The following SLC35F1 variants were observed in gnomAD, a reference collection of about 807,000 sequenced individuals.
SLC35F1 encodes solute carrier family 35 member F1.
SLC35F1 carries 14 observed loss-of-function variants against 48.7 expected under a neutral mutation model. The observed-to-expected ratio is 0.29, with a 90% confidence interval of 0.19 to 0.45. The LOEUF is 0.45. SLC35F1 is among the 20% of genes least tolerant of loss of function. The probability of loss-of-function intolerance (pLI) is 1.00; values close to 1 mark genes in which losing one functional copy is unlikely to be tolerated. For missense variants in SLC35F1, 404 were observed against 500.0 expected (o/e 0.81, Z 1.83); for synonymous variants, 190 against 202.2 (o/e 0.94, Z 0.51).
intron 1 of SLC35F1, among the ~76,000 whole-genome samples, chr6:117,925,939 AT>A (rs1231444304): frequency 6.6e-6 from 1 of 152,174 alleles, no homozygotes; most frequent in African/African-American, 2.4e-5. Flanking sequence ...CCATTTATTT[AT>A]TTGATAAACA....
intron 2 of SLC35F1, among the ~76,000 whole-genome samples, chr6:118,213,174 A>G (rs993071660): frequency 6.6e-6 from 1 of 152,198 alleles, no homozygotes; most frequent in Admixed American, 6.5e-5. Flanking sequence ...TAAGCTTTTA[A>G]TTATAACCCA....
chr6:117,983,338 A>T (rs980844230), intron 1 of SLC35F1, among the ~76,000 whole-genome samples: 3 of 152,108 alleles, frequency 2.0e-5, no homozygotes, highest in Non-Finnish European at 4.4e-5. Flanking sequence ...GCACTTTGGG[A>T]GGCTGAGGCT....
intron 2 of SLC35F1, among the ~76,000 whole-genome samples, chr6:118,215,768 T>A (rs1445252548): frequency 6.6e-6 from 1 of 152,324 alleles, no homozygotes; most frequent in African/African-American, 2.4e-5. Context: ...GAACTTCAGA[T>A]AACAATGTCT....
chr6:118,126,073 T>A (rs931599214), intron 1 of SLC35F1, among the ~76,000 whole-genome samples: 5 of 152,090 alleles, frequency 3.3e-5, no homozygotes, highest in African/African-American at 9.7e-5. Context: ...ATTCAGAGAT[T>A]TACCTTGAGA....
intron 4 of SLC35F1, among the ~76,000 whole-genome samples, chr6:118,271,755 T>C (rs895727484): frequency 3.3e-5 from 5 of 152,160 alleles, no homozygotes. Context: ...TATGACTAGG[T>C]TGATTGGAAT....
chr6:118,192,782 A>G (rs1389244981), intron 2 of SLC35F1, among the ~76,000 whole-genome samples: 3 of 152,308 alleles, frequency 2.0e-5, no homozygotes, highest in South Asian at 2.1e-4. Context: ...AACATGTCAC[A>G]TAATTCTGTT....
At chr6:118,158,973 C>T (rs1289613694) in intron 2 of SLC35F1, among the ~76,000 whole-genome samples, 1 of 152,112 alleles carries the variant, frequency 6.6e-6, no homozygotes, top group Non-Finnish European at 1.5e-5. Context: ...GTAATCCCAG[C>T]ACTTTGGGAG....
chr6:118,261,854 A>G (rs975202933), intron 3 of SLC35F1, among the ~76,000 whole-genome samples: 1 of 152,028 alleles, frequency 6.6e-6, no homozygotes, highest in African/African-American at 2.4e-5. Flanking sequence ...TGGGGCTGGG[A>G]TGTGCCAGCA....
At chr6:118,077,873 A>G (rs1445997145) in intron 1 of SLC35F1, among the ~76,000 whole-genome samples, 1 of 152,238 alleles carries the variant, frequency 6.6e-6, no homozygotes, top group Non-Finnish European at 1.5e-5. Context: ...TAAATGTATT[A>G]CTTAAACATT....
chr6:118,259,053 A>G (rs911197494), intron 3 of SLC35F1, among the ~76,000 whole-genome samples: 3 of 151,752 alleles, frequency 2.0e-5, no homozygotes, highest in African/African-American at 7.2e-5. Flanking sequence ...AAAAATTTTC[A>G]ACAAATACGA....
At chr6:118,209,196 C>T (rs1291639091) in intron 2 of SLC35F1, among the ~76,000 whole-genome samples, 1 of 152,214 alleles carries the variant, frequency 6.6e-6, no homozygotes, top group Non-Finnish European at 1.5e-5. Context: ...AAACCTAAGC[C>T]TAAAAACAGT....
intron 2 of SLC35F1, among the ~76,000 whole-genome samples, chr6:118,163,788 G>A (rs1774275874): frequency 6.6e-6 from 1 of 152,182 alleles, no homozygotes; most frequent in South Asian, 2.1e-4. Flanking sequence ...TAAAAATTCA[G>A]AGGAATAGAG....
intron 1 of SLC35F1, among the ~76,000 whole-genome samples, chr6:118,123,001 G>C (rs768473495): frequency 1.2e-4 from 19 of 152,184 alleles, no homozygotes; most frequent in African/African-American, 3.9e-4. Flanking sequence ...GCTGGCAGCA[G>C]CTAACTCATC....
At chr6:118,149,320 CAACAGTAAATG>C (rs1385858061) in intron 1 of SLC35F1, among the ~76,000 whole-genome samples, 1 of 152,072 alleles carries the variant, frequency 6.6e-6, no homozygotes, top group Non-Finnish European at 1.5e-5. Flanking sequence ...AGGGATAGTG[CAACAGTAAATG>C]AACTAAAGAG....
At chr6:118,151,522 A>G (rs1327570814) in intron 1 of SLC35F1, among the ~76,000 whole-genome samples, 1 of 151,998 alleles carries the variant, frequency 6.6e-6, no homozygotes. Flanking sequence ...AAAACCTTTA[A>G]TTTTTTATAA....
In SLC35F1 at chr6:118,317,540, CAA is replaced by C. The variant is rs1209943388; in HGVS notation, c.*3295_*3296del. 1 of 151,528 alleles carries C rather than the reference CAA, an allele frequency of 6.6e-6. No homozygotes were observed. The highest frequency in any genetic ancestry group is 1.5e-5 in the Non-Finnish European group (1 of 67,862). The allele number at this position is 151,528 out of a possible 1,614,324, so 9.4% of individuals were successfully genotyped here. ...AACACTGCAAATGGAAAATACGAACCAAAAAAAAGTTACACCGATAAGTTCAA... is the reference window on the plus strand; with the variant it reads ...AACACTGCAAATGGAAAATACGAACCAAAAAAGTTACACCGATAAGTTCAA... On this transcript the variant is annotated 3_prime_UTR_variant, in exon 8 of 8. Transcript: ENST00000360388.
In SLC35F1 at chr6:118,108,838, G is replaced by A. The variant is rs560389968; in HGVS notation, c.174-45607G>A. On this transcript the variant is annotated intron_variant, in intron 1 of 7. Transcript: ENST00000360388. Reference sequence around the variant, plus strand: ...TTCTTATGTTACAGTGACATTTTATGGGTATGTTATTTTCTCACACTGGGA... The same window carrying A: ...TTCTTATGTTACAGTGACATTTTATAGGTATGTTATTTTCTCACACTGGGA... Among the ~76,000 whole-genome samples, 15 of 152,224 alleles carry A rather than the reference G, an allele frequency of 9.9e-5. No homozygotes were observed. The East Asian group carries it at 2.9e-3, about 29-fold the overall frequency.
intron 1 of SLC35F1, among the ~76,000 whole-genome samples, chr6:118,079,731 C>T (rs905817122): frequency 6.6e-6 from 1 of 152,124 alleles, no homozygotes; most frequent in Admixed American, 6.6e-5. Flanking sequence ...TAAATATTGC[C>T]AAGCTGTTCT....
At chr6:118,144,601 A>AG (rs1773943498) in intron 1 of SLC35F1, among the ~76,000 whole-genome samples, 2 of 137,204 alleles carry the variant, frequency 1.5e-5, no homozygotes, top group African/African-American at 5.1e-5. Flanking sequence ...AAAAAAAAAA[A>AG]TTGAAAATGT....
Sources: gnomAD v4.1 joint callset for allele counts (sites outside exome capture counted in the v4.1 genomes callset) on GRCh38, gnomAD v4.1.1 for gene constraint, MANE v1.5 for transcripts, NCBI Gene and HGNC (gene_info 2026-07-23, HGNC 2026-07-21) for gene names.